The following NHSL2 variants were observed in gnomAD, a reference collection of about 807,000 sequenced individuals.
NHSL2 encodes the protein NHS like 2, also known as NHS-like protein 2.
A neutral mutation model predicts 53.4 loss-of-function variants in NHSL2; 27 were observed. The ratio of observed to expected loss-of-function variants is 0.51; its 90% CI spans 0.37 to 0.70. The LOEUF (loss-of-function observed/expected upper bound fraction) is 0.70. Among genes scored for constraint, NHSL2 ranks in the 30% least tolerant of loss-of-function variants. NHSL2 has a pLI of 0.00. For missense variants in NHSL2, 892 were observed against 980.1 expected (o/e 0.91, Z 1.20); for synonymous variants, 408 against 404.1 (o/e 1.01, Z -0.12).
intron 1 of NHSL2, among the ~76,000 whole-genome samples, chrX:71,969,502 G>A (rs908453439): frequency 3.4e-4 from 38 of 110,233 alleles, no homozygotes; most frequent in African/African-American, 1.0e-3. Context: ...TAGTAGAGAC[G>A]GGGTTTCCCC....
rs759603874 is a variant in NHSL2, at chrX:72,131,517, G to T, written c.281-562G>T. ...CCACATTCGCCATGCGGAGGCTGTTGAGATTTCCTGACGCCTCAGACATCT... is the reference window on the plus strand; with the variant it reads ...CCACATTCGCCATGCGGAGGCTGTTTAGATTTCCTGACGCCTCAGACATCT... On this transcript the variant is annotated intron_variant, in intron 1 of 7. Transcript: ENST00000633930. The T allele has an allele frequency of 3.4e-6, 4 of 1,191,708 alleles. No homozygotes were observed. The East Asian group carries it at 1.2e-4, about 35-fold the overall frequency.
In NHSL2 at chrX:72,145,767, G is replaced by A. The variant is rs1184257606; in HGVS notation, c.*2193G>A. 2 of 112,247 alleles carry A rather than the reference G, an allele frequency of 1.8e-5. No homozygotes were observed. The highest frequency in any genetic ancestry group is 3.8e-5 in the Non-Finnish European group (2 of 53,260). The allele number at this position is 112,247 out of a possible 1,213,427, so 9.3% of individuals were successfully genotyped here. The stretch of plus-strand genomic sequence containing the variant: ...TAGTATAGGCCTTGTTACTTCTGTG[G>A]ACTTTTCTGGAAGTTTCTTGTTTAC... On this transcript the variant is annotated 3_prime_UTR_variant, in exon 8 of 8. Coordinates refer to ENST00000633930, the MANE Select transcript of NHSL2 (RefSeq NM_001013627.3).
intron 1 of NHSL2, among the ~76,000 whole-genome samples, chrX:71,964,049 A>G (rs867726837): frequency 8.6e-5 from 7 of 81,148 alleles, no homozygotes; most frequent in East Asian, 4.4e-4. Flanking sequence ...ATATGTATAT[A>G]TATATATGTG....
At chrX:72,066,017 A>G (rs569166850) in intron 1 of NHSL2, among the ~76,000 whole-genome samples, 3 of 111,886 alleles carry the variant, frequency 2.7e-5, no homozygotes, top group South Asian at 7.4e-4. Context: ...GGTTCCAAGC[A>G]ATGGAGTGAT....
intron 1 of NHSL2, among the ~76,000 whole-genome samples, chrX:71,988,524 G>C (rs6525561): frequency 0.065 from 7,212 of 110,987 alleles, 236 homozygotes; most frequent in East Asian, 0.28. Flanking sequence ...TCAGTCAAGC[G>C]TCCTTGACTT....
intron 1 of NHSL2, among the ~76,000 whole-genome samples, chrX:72,088,278 C>T (rs950137059): frequency 1.8e-5 from 2 of 112,097 alleles, no homozygotes; most frequent in East Asian, 5.6e-4. Context: ...AGTAATATAA[C>T]GGTAACCTTT....
At chrX:71,981,628 TA>T (rs2041979528) in intron 1 of NHSL2, among the ~76,000 whole-genome samples, 1 of 106,513 alleles carries the variant, frequency 9.4e-6, no homozygotes. Context: ...AACTCAACAA[TA>T]AAAAGACAAA....
chrX:71,939,130 T>C (rs1301100839), intron 1 of NHSL2, among the ~76,000 whole-genome samples: 1 of 111,509 alleles, frequency 9.0e-6, no homozygotes, highest in East Asian at 2.8e-4. Context: ...AACAGAGGAC[T>C]GAAGGATAAT....
At position 72,074,695 on chromosome X, in the gene NHSL2, T is replaced by C. The variant is rs191967838; in HGVS notation, c.281-57384T>C. On this transcript the variant is annotated intron_variant, in intron 1 of 7. Transcript: ENST00000633930. ...TGTTGCATCCAACTTCACTGAAATA[T>C]GGTAGACCATGAAAGCTAATTATGA... Among the ~76,000 whole-genome samples the C allele has an allele frequency of 8.9e-3, 999 of 112,792 alleles. 16 individuals carry two copies. The highest frequency in any genetic ancestry group is 0.03 in the African/African-American group (947 of 31,054).
chrX:72,065,940 A>G (rs771971958), intron 1 of NHSL2, among the ~76,000 whole-genome samples: 1 of 112,295 alleles, frequency 8.9e-6, no homozygotes, highest in Admixed American at 9.4e-5. Context: ...AAGAGGTCAG[A>G]TGAAGCCGGT....
intron 5 of NHSL2, among the ~76,000 whole-genome samples, chrX:72,137,947 C>T (rs1423186619): frequency 3.6e-5 from 4 of 111,574 alleles, no homozygotes; most frequent in African/African-American, 6.5e-5. Context: ...TTATCCTCAG[C>T]CTCTTATGTT....
intron 1 of NHSL2, among the ~76,000 whole-genome samples, chrX:71,982,990 A>G (rs5951201): frequency 1.8e-5 from 2 of 111,820 alleles, no homozygotes; most frequent in Non-Finnish European, 3.8e-5. Flanking sequence ...TTGGGGACTG[A>G]GCCTTCAACC....
At chrX:71,970,688 A>T (rs2041921641) in intron 1 of NHSL2, among the ~76,000 whole-genome samples, 1 of 99,402 alleles carries the variant, frequency 1.0e-5, no homozygotes, top group Non-Finnish European at 2.1e-5. Flanking sequence ...CTTTTCTAAT[A>T]TTTATTTCAT....
At chrX:72,128,987 G>A (rs9887642) in intron 1 of NHSL2, 60,741 of 112,140 alleles carry the variant, frequency 0.54, 15,197 homozygotes, top group Non-Finnish European at 0.78. Flanking sequence ...CTACCCTTTA[G>A]GCAACATCAA....
chrX:72,139,981 G>A lies in NHSL2; in HGVS notation c.2433G>A (p.Gln811=). The A allele has an allele frequency of 8.3e-7, 1 of 1,210,460 alleles. No homozygotes were observed. The highest frequency in any genetic ancestry group is 1.1e-6 in the Non-Finnish European group (1 of 894,831). The part of the protein sequence containing the change: ...SETNFGVKLA[Q]KTNPNQPIMP... ...CAAATTTTGGCGTCAAGCTGGCCCA[G>A]AAAACTAATCCCAACCAGCCAATCA... Residue 811 remains glutamine, a synonymous_variant, in exon 6 of 8, where the codon CAG becomes CAA. Transcript: ENST00000633930.
At chrX:71,994,852 C>G (rs2042043184) in intron 1 of NHSL2, among the ~76,000 whole-genome samples, 1 of 111,813 alleles carries the variant, frequency 8.9e-6, no homozygotes, top group East Asian at 2.8e-4. Context: ...CCACTGCATA[C>G]TTGCTGAGTG....
intron 1 of NHSL2, among the ~76,000 whole-genome samples, chrX:72,084,460 C>G (rs2041818328): frequency 8.9e-6 from 1 of 112,307 alleles, no homozygotes; most frequent in Admixed American, 9.4e-5. Context: ...TGATGCTGTC[C>G]TAATGACAGC....
chrX:71,951,708 A>G (rs1202559684), intron 1 of NHSL2, among the ~76,000 whole-genome samples: 1 of 112,204 alleles, frequency 8.9e-6, no homozygotes, highest in Non-Finnish European at 1.9e-5. Flanking sequence ...ACTCTTGGAC[A>G]CTGGATATGG....
intron 1 of NHSL2, among the ~76,000 whole-genome samples, chrX:72,079,102 G>A (rs1212361048): frequency 1.8e-5 from 2 of 112,507 alleles, no homozygotes; most frequent in African/African-American, 3.2e-5. Context: ...TTACTGGAAC[G>A]AGGGCTCAAT....
Sources: gnomAD v4.1 joint callset for allele counts (sites outside exome capture counted in the v4.1 genomes callset) on GRCh38, gnomAD v4.1.1 for gene constraint, MANE v1.5 for transcripts, NCBI Gene and HGNC (gene_info 2026-07-23, HGNC 2026-07-21) for gene names.